RAD51B: variants seen among roughly 807,000 people sequenced by gnomAD.
The protein encoded by RAD51B is RAD51 paralog B.
In RAD51B, 38 loss-of-function variants were observed where a neutral mutation model predicts 42.2. That is an observed-to-expected ratio of 0.90 (90% confidence interval 0.70 to 1.18). RAD51B has a LOEUF of 1.18. RAD51B is among the 50% of genes most tolerant of loss of function. The pLI is 0.00. For missense variants in RAD51B, 373 were observed against 400.7 expected, an observed-to-expected ratio of 0.93 and a Z score of 0.59; for synonymous variants, 154 against 145.2, an observed-to-expected ratio of 1.06 and a Z score of -0.43.
chr14:68,618,988 C>T (rs2140113969), intron 10 of RAD51B, among the ~76,000 whole-genome samples: 1 of 152,304 alleles, frequency 6.6e-6, no homozygotes. Context: ...CAGATAAAGA[C>T]CACTCACGTA....
rs140115332 is a variant in RAD51B, at chr14:68,675,164, G to A, written c.*11+24308G>A. On this transcript the variant is annotated intron_variant, in intron 11 of 11. Coordinates refer to the RAD51B transcript ENST00000488612. Reference sequence around the variant, plus strand: ...ACAAAGGTAGCAGGTAGACAAGCAAGGCCTCTCCTGCCTCCCTTTCTTGGG... The same window carrying A: ...ACAAAGGTAGCAGGTAGACAAGCAAAGCCTCTCCTGCCTCCCTTTCTTGGG... 1.3e-4 allele frequency among the ~76,000 whole-genome samples: 20 copies of A among 152,288 alleles called. No individual in the cohort carries two copies. The East Asian group carries it at 3.5e-3, about 26-fold the overall frequency.
At chr14:67,963,905 A>G (rs2074717537) in intron 7 of RAD51B, among the ~76,000 whole-genome samples, 1 of 151,904 alleles carries the variant, frequency 6.6e-6, no homozygotes. Context: ...ATGAATCAGA[A>G]TTTTAAAGTG....
chr14:68,621,575 G>A lies in RAD51B; in HGVS notation c.1037-29206G>A, dbSNP rs891807866. ...TCCTCCATGACTTCAGCTACCCGCT[G>A]TTTCCCTGGGGCAGAGCTAAGCTGG... On this transcript the variant is annotated intron_variant, in intron 10 of 11. Transcript: ENST00000488612. Among the ~76,000 whole-genome samples, 3 of 152,232 alleles carry A rather than the reference G, an allele frequency of 2.0e-5. No homozygotes were observed. The East Asian group carries it at 5.8e-4, about 29-fold the overall frequency.
At chr14:68,213,272 C>T (rs2079748129) in intron 7 of RAD51B, among the ~76,000 whole-genome samples, 2 of 152,286 alleles carry the variant, frequency 1.3e-5, no homozygotes, top group South Asian at 2.1e-4. Context: ...TCATTTAATC[C>T]TCACAGTGAC....
chr14:68,503,838 G>C (rs909293146), intron 10 of RAD51B, among the ~76,000 whole-genome samples: 3 of 152,218 alleles, frequency 2.0e-5, no homozygotes, highest in Admixed American at 2.0e-4. Context: ...AATTCTCTGA[G>C]GCGCTAAATA....
chr14:68,682,890 T>C, intron 11 of RAD51B: 7 of 894,786 alleles, frequency 7.8e-6, no homozygotes, highest in Non-Finnish European at 9.3e-6. Context: ...TTTTTTTTAA[T>C]AAAAATCTGT....
intron 7 of RAD51B, among the ~76,000 whole-genome samples, chr14:67,909,627 AAAT>A (rs201799592): frequency 0.014 from 2,165 of 152,316 alleles, 21 homozygotes; most frequent in Non-Finnish European, 0.022. Flanking sequence ...TAGTCACTAA[AAAT>A]AATGATGTGG....
downstream of RAD51B, among the ~76,000 whole-genome samples, chr14:68,600,090 C>G (rs767977815): frequency 1.1e-4 from 17 of 152,200 alleles, no homozygotes; most frequent in Non-Finnish European, 2.5e-4. Flanking sequence ...CCACGGGATG[C>G]AGCAGGCAGG....
chr14:67,822,234 T>C (rs1327944789), intron 1 of RAD51B: 3 of 152,228 alleles, frequency 2.0e-5, no homozygotes, highest in Non-Finnish European at 4.4e-5. Flanking sequence ...CAATGAGATA[T>C]ACAGCTTCTC....
chr14:67,955,755 C>T (rs1234366529), intron 7 of RAD51B, among the ~76,000 whole-genome samples: 2 of 152,118 alleles, frequency 1.3e-5, no homozygotes, highest in Non-Finnish European at 2.9e-5. Flanking sequence ...GCAGAATTTA[C>T]CAGCTTAGAG....
chr14:68,004,028 T>A (rs10137457), intron 7 of RAD51B, among the ~76,000 whole-genome samples: 9,115 of 152,190 alleles, frequency 0.06, 643 homozygotes, highest in African/African-American at 0.17. Flanking sequence ...CATCCTTGCA[T>A]TGCCAAATAA....
chr14:67,907,457 T>C (rs2043814621), intron 7 of RAD51B, among the ~76,000 whole-genome samples: 1 of 152,096 alleles, frequency 6.6e-6, no homozygotes, highest in Non-Finnish European at 1.5e-5. Flanking sequence ...GTAATTCAGA[T>C]AAGGACTTGT....
chr14:68,074,648 T>C (rs887103528), intron 7 of RAD51B, among the ~76,000 whole-genome samples: 2 of 152,192 alleles, frequency 1.3e-5, no homozygotes, highest in East Asian at 1.9e-4. Flanking sequence ...CTTTCTCATA[T>C]GTGTGGGCTG....
At chr14:68,138,453 G>A (rs1203213644) in intron 7 of RAD51B, among the ~76,000 whole-genome samples, 1 of 152,106 alleles carries the variant, frequency 6.6e-6, no homozygotes, top group African/African-American at 2.4e-5. Flanking sequence ...TTACTGAGGG[G>A]ATTAGTAACT....
chr14:68,411,609 C>CT, intron 9 of RAD51B, 82 bp downstream of exon 9: 1 of 1,325,976 alleles, frequency 7.5e-7, no homozygotes, highest in South Asian at 1.2e-5. Context: ...TCTGAAAATG[C>CT]TGGCCGCATT....
chr14:68,215,462 T>C (rs1391268922), intron 7 of RAD51B, among the ~76,000 whole-genome samples: 1 of 152,206 alleles, frequency 6.6e-6, no homozygotes, highest in Non-Finnish European at 1.5e-5. Context: ...TGAGCACCAA[T>C]CTGTTCCAAC....
At chr14:68,567,092 G>A (rs562938669) in intron 10 of RAD51B, among the ~76,000 whole-genome samples, 10 of 152,162 alleles carry the variant, frequency 6.6e-5, no homozygotes, top group South Asian at 6.2e-4. Flanking sequence ...GAGGTCAGGA[G>A]TTCCAGACCA....
intron 8 of RAD51B, among the ~76,000 whole-genome samples, chr14:68,310,337 C>T (rs1006447293): frequency 6.6e-6 from 1 of 152,216 alleles, no homozygotes; most frequent in African/African-American, 2.4e-5. Flanking sequence ...GGCATCCAAA[C>T]CTGATTTCCT....
chr14:68,345,607 G>C (rs1288222038), intron 8 of RAD51B, among the ~76,000 whole-genome samples: 1 of 151,960 alleles, frequency 6.6e-6, no homozygotes, highest in East Asian at 1.9e-4. Flanking sequence ...CATGATTTCT[G>C]TAGAGCCTGC....
Sources: allele counts gnomAD v4.1 joint callset (sites outside exome capture counted in the v4.1 genomes callset), GRCh38; gene constraint gnomAD v4.1.1; transcripts MANE v1.5; gene names NCBI Gene and HGNC (gene_info 2026-07-23, HGNC 2026-07-21).